The following PNPLA4 variants were observed in gnomAD, a reference collection of about 807,000 sequenced individuals.
PNPLA4 encodes patatin like domain 4, phospholipase and triacylglycerol lipase.
PNPLA4 carries 15 observed loss-of-function variants against 18.3 expected under a neutral mutation model. The observed-to-expected ratio is 0.82, with a 90% CI of 0.55 to 1.26. The LOEUF (loss-of-function observed/expected upper bound fraction) is 1.26, where lower values mean the gene tolerates loss of function less well. PNPLA4 is among the 50% of genes most tolerant of loss of function. The pLI, the probability that PNPLA4 is intolerant of heterozygous loss-of-function variation, is 0.00. For synonymous variants in PNPLA4, 88 were observed against 85.6 expected, an observed-to-expected ratio of 1.03 and a Z score of -0.16; for missense variants, 229 against 196.8, an observed-to-expected ratio of 1.16 and a Z score of -0.98.
intron 5 of PNPLA4, among the ~76,000 whole-genome samples, chrX:7,907,780 G>A (rs1359526654): frequency 1.8e-5 from 2 of 108,119 alleles, no homozygotes; most frequent in African/African-American, 6.8e-5. Context: ...GAGTACGGTG[G>A]TGTGATCATA....
At chrX:7,918,203 C>T (rs971348297) in intron 4 of PNPLA4, among the ~76,000 whole-genome samples, 1 of 111,428 alleles carries the variant, frequency 9.0e-6, no homozygotes, top group Non-Finnish European at 1.9e-5. Context: ...CATTTTCACA[C>T]TGCTGATAAA....
rs751071769 is a variant in PNPLA4, at chrX:7,911,961, T to C, written c.477+67A>G. On this transcript the variant is annotated intron_variant, in intron 5 of 6. Coordinates refer to ENST00000381042, the MANE Select transcript of PNPLA4 (RefSeq NM_004650.3). ...TGAAGCCACTAGAATAATTATAAAA[T>C]TGGATGTTTCAAAAGAAACATATTA... The C allele has an allele frequency of 6.3e-5, 46 of 735,706 alleles. No homozygotes were observed. In the African/African-American group the frequency reaches 9.6e-4, roughly 15 times the overall value. 60.6% of individuals were successfully genotyped at this position (735,706 alleles called of 1,213,427 possible). A position where few individuals can be genotyped will look rare whatever the true frequency, so the allele number is the denominator to read the frequency against.
intron 6 of PNPLA4, 31 bp downstream of exon 6, chrX:7,901,958 T>C: frequency 8.4e-7 from 1 of 1,186,217 alleles, no homozygotes; most frequent in Non-Finnish European, 1.1e-6. Flanking sequence ...AGATCAGAAC[T>C]CTTCAAATAT....
At chrX:7,907,745 G>A (rs1311500212) in intron 5 of PNPLA4, among the ~76,000 whole-genome samples, 1 of 108,433 alleles carries the variant, frequency 9.2e-6, no homozygotes, top group Non-Finnish European at 1.9e-5. Context: ...TTTTTAAACA[G>A]GGTTTCACTC....
intron 2 of PNPLA4, among the ~76,000 whole-genome samples, chrX:7,924,519 A>T (rs1156957983): frequency 1.8e-5 from 2 of 112,061 alleles, no homozygotes; most frequent in Non-Finnish European, 3.8e-5. Context: ...TAAGGAAACT[A>T]AGAAAATTAT....
chrX:7,903,272 G>GTGTT (rs1342730812), intron 5 of PNPLA4, among the ~76,000 whole-genome samples: 78 of 80,504 alleles, frequency 9.7e-4, no homozygotes, highest in Middle Eastern at 0.013. Flanking sequence ...TGTCCTTCTT[G>GTGTT]TGTTTATTTA....
At chrX:7,922,989 A>G (rs1362976875) in intron 2 of PNPLA4, among the ~76,000 whole-genome samples, 1 of 112,340 alleles carries the variant, frequency 8.9e-6, no homozygotes, top group East Asian at 2.8e-4. Flanking sequence ...CAAAAAATAA[A>G]TAACAACAGG....
At chrX:7,920,485 CTAT>C (rs1470947071) in intron 4 of PNPLA4, among the ~76,000 whole-genome samples, 1 of 112,301 alleles carries the variant, frequency 8.9e-6, no homozygotes, top group Non-Finnish European at 1.9e-5. Flanking sequence ...ATATTCTAAT[CTAT>C]TAAGTGGCAA....
intron 5 of PNPLA4, among the ~76,000 whole-genome samples, chrX:7,906,940 T>A (rs1214173905): frequency 1.8e-5 from 2 of 112,227 alleles, no homozygotes; most frequent in Non-Finnish European, 3.8e-5. Context: ...CAAGAAGCGA[T>A]CTTGTAATAC....
In PNPLA4 at chrX:7,900,393, G is replaced by A. The variant is rs1453361938; in HGVS notation, c.*293C>T. 1 of 140,868 alleles carries A rather than the reference G, an allele frequency of 7.1e-6. No individual in the cohort carries two copies. Among genetic ancestry groups the A allele is most frequent in the Non-Finnish European group, 1.4e-5 (1 of 72,680 alleles). 11.6% of individuals were successfully genotyped at this position (140,868 alleles called of 1,213,427 possible). ...TAAGTGGTGGCCCTCCATTTTCCAT[G>A]TTCCTCAATTTACCCAAAGAACCTA... On this transcript the variant is annotated 3_prime_UTR_variant, in exon 7 of 7. Coordinates refer to ENST00000381042, the MANE Select transcript of PNPLA4 (RefSeq NM_004650.3).
At chrX:7,914,391 G>A (rs1194081084) in intron 4 of PNPLA4, among the ~76,000 whole-genome samples, 3 of 111,546 alleles carry the variant, frequency 2.7e-5, no homozygotes, top group Non-Finnish European at 5.6e-5. Flanking sequence ...TCAGTCCACC[G>A]GTAGCAATGA....
chrX:7,926,778 G>A (rs1182129457), intron 1 of PNPLA4, among the ~76,000 whole-genome samples: 1 of 112,345 alleles, frequency 8.9e-6, no homozygotes, highest in African/African-American at 3.2e-5. Flanking sequence ...TGAAATGTCA[G>A]CCACGCCACT....
chrX:7,911,789 A>AAT lies in PNPLA4; in HGVS notation c.477+237_477+238dup, dbSNP rs756045602. Among the ~76,000 whole-genome samples, 28 of 110,717 alleles carry AAT rather than the reference A, an allele frequency of 2.5e-4. No homozygotes were observed. In the East Asian group the frequency reaches 3.7e-3, roughly 15 times the overall value. ...AATCGTTCACTGCTAACAACAACAG[A>AAT]ATATATATATATGATGAAAATAAGA... On this transcript the variant is annotated intron_variant, in intron 5 of 6. Coordinates refer to ENST00000381042, the MANE Select transcript of PNPLA4 (RefSeq NM_004650.3).
chrX:7,915,146 C>T (rs1923999220), intron 4 of PNPLA4, among the ~76,000 whole-genome samples: 1 of 111,057 alleles, frequency 9.0e-6, no homozygotes, highest in Admixed American at 9.6e-5. Flanking sequence ...AAATATTATG[C>T]CTAAACATGT....
At position 7,898,734 on chromosome X, in the gene PNPLA4, T is replaced by C. The variant is rs1923415397; in HGVS notation, c.*1952A>G. 1 of 111,835 alleles carries C rather than the reference T, an allele frequency of 8.9e-6. No homozygotes were observed. The highest frequency in any genetic ancestry group is 3.8e-4 in the South Asian group (1 of 2,645). The allele number at this position is 111,835 out of a possible 1,213,427, so 9.2% of individuals were successfully genotyped here. On this transcript the variant is annotated 3_prime_UTR_variant, in exon 7 of 7. Transcript: ENST00000381042. Reference sequence around the variant, plus strand: ...CAAACCCCCGTGACACAAGTTTACCTATAACAAACCTGTACACGTACCCCT... The same window carrying C: ...CAAACCCCCGTGACACAAGTTTACCCATAACAAACCTGTACACGTACCCCT...
chrX:7,901,923 G>T, intron 6 of PNPLA4, 66 bp downstream of exon 6: 1 of 1,079,416 alleles, frequency 9.3e-7, no homozygotes. Context: ...TGGGAAACAC[G>T]TTGAATTCTG....
rs749171355 is a variant in PNPLA4 at position 7,901,909 on chromosome X, T to C, written c.630+80A>G. On this transcript the variant is annotated intron_variant, in intron 6 of 6. Coordinates refer to ENST00000381042, the MANE Select transcript of PNPLA4 (RefSeq NM_004650.3). ...CCTACAATTATCAATGAACTTCCAG[T>C]GCTTGGGAAACACGTTGAATTCTGT... The C allele has an allele frequency of 1.5e-5, 15 of 994,690 alleles. No homozygotes were observed. The East Asian group carries it at 4.1e-4, about 27-fold the overall frequency. 82.0% of individuals were successfully genotyped at this position (994,690 alleles called of 1,213,427 possible).
Position 7,900,452 on chromosome X carries a change from A to C in PNPLA4, c.*234T>G, listed in dbSNP as rs1441235755. ...CATTTTTTAAAGGACACAACAGTTC[A>C]CCAAAAATGATTCCTTATCACCTAA... On this transcript the variant is annotated 3_prime_UTR_variant, in exon 7 of 7. Coordinates refer to ENST00000381042, the MANE Select transcript of PNPLA4 (RefSeq NM_004650.3). The C allele has an allele frequency of 4.5e-6, 1 of 221,942 alleles. No individual in the cohort carries two copies. Among genetic ancestry groups the C allele is most frequent in the Admixed American group, 6.8e-5 (1 of 14,745 alleles). The allele number at this position is 221,942 out of a possible 1,213,427, so 18.3% of individuals were successfully genotyped here. A position where few individuals can be genotyped will look rare whatever the true frequency, so the allele number is the denominator to read the frequency against.
At chrX:7,908,939 A>G (rs1384238345) in intron 5 of PNPLA4, among the ~76,000 whole-genome samples, 3 of 111,750 alleles carry the variant, frequency 2.7e-5, no homozygotes, top group African/African-American at 9.8e-5. Flanking sequence ...TAATCACATC[A>G]TGGAAAGTTC....
Sources: allele counts gnomAD v4.1 joint callset (sites outside exome capture counted in the v4.1 genomes callset), GRCh38; gene constraint gnomAD v4.1.1; transcripts MANE v1.5; gene names NCBI Gene and HGNC (gene_info 2026-07-23, HGNC 2026-07-21).